Variants in SHQ1 observed in about 807,000 individuals in gnomAD.
SHQ1 encodes protein SHQ1 homolog.
Under a neutral mutation model 53.8 loss-of-function variants are expected in SHQ1, and 49 were observed. That is an observed-to-expected ratio of 0.91 (90% CI 0.72 to 1.16). The LOEUF (loss-of-function observed/expected upper bound fraction) is 1.16, where lower values mean the gene tolerates loss of function less well. Among genes scored for constraint, SHQ1 ranks in the 50% most tolerant of loss-of-function variants. The probability of loss-of-function intolerance (pLI) is 0.00; values close to 1 mark genes in which losing one functional copy is unlikely to be tolerated. For missense variants in SHQ1, 738 were observed against 683.1 expected (o/e 1.08, Z -0.90); for synonymous variants, 243 against 251.0 (o/e 0.97, Z 0.30).
At chr3:72,758,992 G>A (rs546518235) in intron 10 of SHQ1, among the ~76,000 whole-genome samples, 1 of 152,178 alleles carries the variant, frequency 6.6e-6, no homozygotes, top group Admixed American at 6.5e-5. Context: ...TCCTTGGCTT[G>A]TAAATGCATC....
At position 72,834,303 on chromosome 3, in the gene SHQ1, C is replaced by T. The variant is rs534898269; in HGVS notation, c.487-1822G>A. Among the ~76,000 whole-genome samples, 25 of 152,262 alleles carry T rather than the reference C, an allele frequency of 1.6e-4. No homozygotes were observed. In the South Asian group the frequency reaches 2.7e-3, roughly 16 times the overall value. The stretch of plus-strand genomic sequence containing the variant: ...CAGCACTTCGGGAGGCCAAGGCGGG[C>T]GGATCACCTGAGGTCAGGAGTTCAA... On this transcript the variant is annotated intron_variant, in intron 4 of 10. Transcript: ENST00000325599.
In SHQ1 at chr3:72,821,386, CA is replaced by C. The variant is rs1707474877; in HGVS notation, c.727+3037del. ...AGTTCATCCTCATGAAACCAGAGCT[CA>C]GGGGAAGCACGGCGTTTAACACTTC... On this transcript the variant is annotated intron_variant, in intron 6 of 10. Transcript: ENST00000325599. 4.6e-5 allele frequency among the ~76,000 whole-genome samples: 7 copies of C among 152,170 alleles called. No homozygotes were observed. The South Asian group carries it at 1.4e-3, about 31-fold the overall frequency.
chr3:72,738,701 T>C, the SHQ1 span, among the ~76,000 whole-genome samples: 1,733 of 152,296 alleles, frequency 0.011, 36 homozygotes, highest in African/African-American at 0.04. Context: ...CGCGACCTTC[T>C]GTAGCTCTGC....
chr3:72,832,519 C>A, intron 4 of SHQ1, 38 bp from the exon 5 acceptor site: 1 of 1,437,900 alleles, frequency 7.0e-7, no homozygotes, highest in South Asian at 1.2e-5. Context: ...ATTGCTATCT[C>A]CTATTTTTAG....
At chr3:72,809,063 C>T (rs539042290) in intron 9 of SHQ1, among the ~76,000 whole-genome samples, 232 of 151,344 alleles carry the variant, frequency 1.5e-3, no homozygotes, top group African/African-American at 5.6e-3. Flanking sequence ...GTACAACCTG[C>T]TTACCCTGGA....
chr3:72,747,704 G>A (rs1331495558), downstream of SHQ1, among the ~76,000 whole-genome samples: 1 of 152,188 alleles, frequency 6.6e-6, no homozygotes, highest in Non-Finnish European at 1.5e-5. Context: ...AAGATGAGAG[G>A]GGGCTGGGTG....
chr3:72,786,159 G>A (rs547621692), intron 10 of SHQ1, among the ~76,000 whole-genome samples: 3 of 152,198 alleles, frequency 2.0e-5, no homozygotes, highest in Admixed American at 2.0e-4. Flanking sequence ...CTGATGACTA[G>A]TCTCCTTCCC....
At chr3:72,759,088 A>G (rs1705558988) in intron 10 of SHQ1, among the ~76,000 whole-genome samples, 1 of 152,142 alleles carries the variant, frequency 6.6e-6, no homozygotes, top group African/African-American at 2.4e-5. Flanking sequence ...TTTGTGTCTT[A>G]GTGTCTCTTC....
At chr3:72,803,399 C>T (rs1184538079) in intron 9 of SHQ1, among the ~76,000 whole-genome samples, 1 of 152,124 alleles carries the variant, frequency 6.6e-6, no homozygotes, top group East Asian at 1.9e-4. Flanking sequence ...ACCTGCTTGG[C>T]GAAGTAGGCA....
rs755539665 is a variant in SHQ1 at position 72,848,212 on chromosome 3, C to G, written c.129G>C (p.Lys43Asn). The part of the protein sequence containing the change: ...FEGSDFKFYA[K>N]PYFLRLTLPG... ...CCCGAACTCGCCTGAGAAAGTATGG[C>G]TTGGCGTAGAACTTGAAGTCAGACC... Residue 43 changes from lysine to asparagine, a missense_variant, in exon 1 of 11, where the codon AAG becomes AAC. Transcript: ENST00000325599. 2.7e-5 allele frequency: 44 copies of G among 1,614,082 alleles called. No homozygotes were observed. Among genetic ancestry groups the G allele is most frequent in the Non-Finnish European group, 3.7e-5 (44 of 1,180,036 alleles).
At chr3:72,767,770 T>A (rs1432558501) in intron 10 of SHQ1, among the ~76,000 whole-genome samples, 1 of 152,182 alleles carries the variant, frequency 6.6e-6, no homozygotes, top group East Asian at 1.9e-4. Flanking sequence ...GATACTACTT[T>A]ACTAAATATA....
intron 7 of SHQ1, among the ~76,000 whole-genome samples, chr3:72,816,629 AT>A (rs1016535737): frequency 1.3e-5 from 2 of 152,152 alleles, no homozygotes; most frequent in African/African-American, 4.8e-5. Context: ...AGTCTATATT[AT>A]TTTTTAAAAG....
At chr3:72,803,890 C>T (rs1294376399) in intron 9 of SHQ1, among the ~76,000 whole-genome samples, 1 of 152,014 alleles carries the variant, frequency 6.6e-6, no homozygotes, top group African/African-American at 2.4e-5. Context: ...ATGGATTTGG[C>T]CTGTGGATGG....
intron 10 of SHQ1, among the ~76,000 whole-genome samples, chr3:72,778,610 ACATTTTAAGAAAAT>A (rs1425327873): frequency 1.3e-5 from 2 of 152,210 alleles, no homozygotes; most frequent in Non-Finnish European, 2.9e-5. Context: ...TCATAAGAAA[ACATTTTAAGAAAAT>A]AACTAAACTC....
chr3:72,763,297 T>C (rs1705650328), intron 10 of SHQ1, among the ~76,000 whole-genome samples: 1 of 152,174 alleles, frequency 6.6e-6, no homozygotes, highest in Non-Finnish European at 1.5e-5. Context: ...ACTTGAACAA[T>C]TCTGACAACA....
intron 5 of SHQ1, among the ~76,000 whole-genome samples, chr3:72,827,314 G>A: frequency 6.6e-6 from 1 of 152,046 alleles, no homozygotes; most frequent in Non-Finnish European, 1.5e-5. Flanking sequence ...TCAAGACAGA[G>A]ATATGAGAGT....
downstream of SHQ1, among the ~76,000 whole-genome samples, chr3:72,746,225 G>A (rs1705257709): frequency 6.6e-6 from 1 of 152,162 alleles, no homozygotes; most frequent in African/African-American, 2.4e-5. Context: ...TGAATTGGAG[G>A]CTGCCTCTTG....
the SHQ1 span, among the ~76,000 whole-genome samples, chr3:72,731,634 G>A: frequency 6.6e-6 from 1 of 151,172 alleles, no homozygotes; most frequent in Admixed American, 6.6e-5. Context: ...GTTGTAGTGA[G>A]CCGAGATTGT....
chr3:72,773,178 T>A, intron 10 of SHQ1: 1 of 735,238 alleles, frequency 1.4e-6, no homozygotes, highest in Non-Finnish European at 2.6e-6. Flanking sequence ...AAAAAACCAG[T>A]CCAGAGTTTT....
Sources: gnomAD v4.1 joint callset for allele counts (sites outside exome capture counted in the v4.1 genomes callset) on GRCh38, gnomAD v4.1.1 for gene constraint, MANE v1.5 for transcripts, NCBI Gene and HGNC (gene_info 2026-07-23, HGNC 2026-07-21) for gene names.